The following RAPGEF5 variants were observed in gnomAD, a reference collection of about 807,000 sequenced individuals.
RAPGEF5 encodes the protein M-Ras-regulated GEF.
In RAPGEF5, 65 loss-of-function variants were observed where a neutral mutation model predicts 125.2. That is an observed-to-expected ratio of 0.52 (90% CI 0.43 to 0.64). RAPGEF5 has a LOEUF of 0.64. Among genes scored for constraint, RAPGEF5 ranks in the 30% least tolerant of loss-of-function variants. The pLI is 0.00. For synonymous variants in RAPGEF5, 391 were observed against 385.9 expected (o/e 1.01, Z -0.16); for missense variants, 958 against 1,048.1 (o/e 0.91, Z 1.19).
chr7:22,178,580 A>G (rs1395444641), intron 11 of RAPGEF5, among the ~76,000 whole-genome samples: 5 of 152,226 alleles, frequency 3.3e-5, no homozygotes, highest in Non-Finnish European at 7.3e-5. Context: ...CTGCTTTATT[A>G]TAAAGGAGAT....
chr7:22,314,633 T>G, intron 3 of RAPGEF5: 1 of 982,324 alleles, frequency 1.0e-6, no homozygotes, highest in Non-Finnish European at 1.2e-6. Flanking sequence ...TGCACGTCAT[T>G]TCTTTGAAAT....
Position 22,244,922 on chromosome 7 carries a change from T to A in RAPGEF5, c.797-14003A>T, listed in dbSNP as rs1353676159. On this transcript the variant is annotated intron_variant, in intron 7 of 25. Transcript: ENST00000665637. Reference sequence around the variant, plus strand: ...ACTCCATATTGTGGTATGGCTGTACTAATTTACATTTCCACCAGCAAAGTA... The same window carrying A: ...ACTCCATATTGTGGTATGGCTGTACAAATTTACATTTCCACCAGCAAAGTA... 2.0e-5 allele frequency among the ~76,000 whole-genome samples: 3 copies of A among 152,252 alleles called. No individual in the cohort carries two copies. In the East Asian group the frequency reaches 5.8e-4, roughly 29 times the overall value.
chr7:22,214,893 G>A (rs1469352146), intron 9 of RAPGEF5, among the ~76,000 whole-genome samples: 1 of 152,152 alleles, frequency 6.6e-6, no homozygotes, highest in African/African-American at 2.4e-5. Context: ...CCCCAAGTCT[G>A]CTTAATCACT....
chr7:22,318,597 C>G (rs570242160), intron 1 of RAPGEF5, among the ~76,000 whole-genome samples: 1 of 152,186 alleles, frequency 6.6e-6, no homozygotes, highest in Non-Finnish European at 1.5e-5. Context: ...TATTCTCTTT[C>G]CAACTCCCAG....
intron 7 of RAPGEF5, among the ~76,000 whole-genome samples, chr7:22,263,557 C>T (rs1230996188): frequency 6.6e-6 from 1 of 151,992 alleles, no homozygotes; most frequent in East Asian, 1.9e-4. Context: ...TGGCGAAACA[C>T]TGTCTCTACT....
chr7:22,231,881 G>T (rs532816561), intron 7 of RAPGEF5, among the ~76,000 whole-genome samples: 1 of 152,312 alleles, frequency 6.6e-6, no homozygotes, highest in South Asian at 2.1e-4. Context: ...AACCACGAAA[G>T]AATTTTAAAT....
chr7:22,160,872 C>A (rs1783967129), intron 13 of RAPGEF5, among the ~76,000 whole-genome samples: 1 of 152,064 alleles, frequency 6.6e-6, no homozygotes, highest in Non-Finnish European at 1.5e-5. Flanking sequence ...AGCTGGCTGG[C>A]TACTAGAGAT....
rs776827782 is a variant in RAPGEF5 at position 22,193,992 on chromosome 7, G to C, written c.1038C>G (p.Asp346Glu). The C allele has an allele frequency of 1.8e-5, 29 of 1,613,830 alleles. No homozygotes were observed. The highest frequency in any genetic ancestry group is 2.3e-5 in the Non-Finnish European group (27 of 1,179,874). ...CTTTCTTCAGCACCAGGACGCTCTG[G>C]TCTTGCTCTTTAACCTGAACAGTCG... ...EVTTVQVKEQ[D>E]QSVLVLKKVQ... The change falls in exon 10 of 26, where the codon GAC becomes GAG. Residue 346 changes from aspartate to glutamate, a missense_variant. Transcript: ENST00000665637.
Position 22,253,729 on chromosome 7 carries a change from C to T in RAPGEF5, c.796+13235G>A, listed in dbSNP as rs112385422. ...ATATTATCAGAAAGGTAAAGGAAAT[C>T]TGAGATGACAATAATTATATTAAGC... On this transcript the variant is annotated intron_variant, in intron 7 of 25. Transcript: ENST00000665637. 1.6e-3 allele frequency among the ~76,000 whole-genome samples: 250 copies of T among 152,220 alleles called. 2 individuals carry two copies. The highest frequency in any genetic ancestry group is 6.8e-3 in the Middle Eastern group (2 of 294).
Position 22,308,399 on chromosome 7 carries a change from C to G in RAPGEF5, c.620G>C (p.Gly207Ala), listed in dbSNP as rs1342512643. 1.3e-6 allele frequency: 2 copies of G among 1,586,146 alleles called. No homozygotes were observed. Among genetic ancestry groups the G allele is most frequent in the African/African-American group, 1.3e-5 (1 of 74,474 alleles). Reference sequence around the variant, plus strand: ...CACAAGTTGCAGTAAAAGCTTGACACCATTTTGCCATTCTTCTTCTCTTTC... The same window carrying G: ...CACAAGTTGCAGTAAAAGCTTGACAGCATTTTGCCATTCTTCTTCTCTTTC... ...EFEREEEWQN[G>A]VKLLLQLVPL... Residue 207 changes from glycine (G) to alanine (A), a missense_variant, in exon 5 of 26, where the codon GGT (glycine) becomes GCT (alanine). Gly to Ala is a moderately conservative substitution (Grantham distance 60). Coordinates refer to ENST00000665637, the MANE Select transcript of RAPGEF5 (RefSeq NM_012294.5).
At chr7:22,350,173 C>T (rs2158883) in intron 1 of RAPGEF5, among the ~76,000 whole-genome samples, 30,344 of 152,016 alleles carry the variant, frequency 0.2, 3,147 homozygotes, top group Admixed American at 0.24. Flanking sequence ...AAATCACAAG[C>T]GCTCAAAGTC....
At chr7:22,237,954 A>G (rs1289956151) in intron 7 of RAPGEF5, among the ~76,000 whole-genome samples, 2 of 152,226 alleles carry the variant, frequency 1.3e-5, no homozygotes, top group Non-Finnish European at 2.9e-5. Flanking sequence ...CATGAAAGGC[A>G]TCCAGGAAAA....
At chr7:22,206,101 T>C (rs1785390710) in intron 9 of RAPGEF5, among the ~76,000 whole-genome samples, 1 of 152,136 alleles carries the variant, frequency 6.6e-6, no homozygotes, top group East Asian at 1.9e-4. Flanking sequence ...TATTGCAGAA[T>C]CTGGGGGGAA....
Position 22,320,816 on chromosome 7 carries a change from A to T in RAPGEF5, c.232-2779T>A, listed in dbSNP as rs553415060. Among the ~76,000 whole-genome samples the T allele has an allele frequency of 4.3e-4, 65 of 152,168 alleles. 1 individual carries two copies. The highest frequency in any genetic ancestry group is 7.8e-4 in the Non-Finnish European group (53 of 68,028). On this transcript the variant is annotated intron_variant, in intron 1 of 25. Transcript: ENST00000665637. ...ATACCATCCTTAATTTAGAAAACCC[A>T]TTTGCCAGAAGGCATAGGATCTAAA... is the stretch of plus-strand genomic sequence containing the variant.
intron 5 of RAPGEF5, 140 bp from the exon 6 acceptor site, chr7:22,291,381 C>T (rs1365119713): frequency 7.5e-7 from 1 of 1,336,308 alleles, no homozygotes; most frequent in Non-Finnish European, 9.9e-7. Flanking sequence ...AAGGTTGTGA[C>T]AGTAACTCCA....
intron 5 of RAPGEF5, among the ~76,000 whole-genome samples, chr7:22,299,322 T>C (rs1273688288): frequency 6.6e-6 from 1 of 152,176 alleles, no homozygotes; most frequent in Non-Finnish European, 1.5e-5. Flanking sequence ...GGACTTCCTC[T>C]TTCACCCATG....
chr7:22,318,703 C>T (rs1001914134), intron 1 of RAPGEF5, among the ~76,000 whole-genome samples: 1 of 152,210 alleles, frequency 6.6e-6, no homozygotes, highest in Non-Finnish European at 1.5e-5. Flanking sequence ...TAAAAGCCTT[C>T]CATCTTCCTC....
intron 12 of RAPGEF5, among the ~76,000 whole-genome samples, chr7:22,165,225 C>G (rs1784125401): frequency 6.6e-6 from 1 of 151,908 alleles, no homozygotes; most frequent in Non-Finnish European, 1.5e-5. Context: ...CATATATATC[C>G]AAGTTAAGTT....
At chr7:22,288,675 A>C (rs1486152585) in intron 6 of RAPGEF5, among the ~76,000 whole-genome samples, 1 of 152,024 alleles carries the variant, frequency 6.6e-6, no homozygotes, top group Non-Finnish European at 1.5e-5. Context: ...GGTGCCCGCC[A>C]CCACGCCCAG....
Sources: gnomAD v4.1 joint callset for allele counts (sites outside exome capture counted in the v4.1 genomes callset) on GRCh38, gnomAD v4.1.1 for gene constraint, MANE v1.5 for transcripts, NCBI Gene and HGNC (gene_info 2026-07-23, HGNC 2026-07-21) for gene names.